The following NUDT4 variants were observed in gnomAD, a reference collection of about 807,000 sequenced individuals.
NUDT4 encodes the protein nudix hydrolase 4, also known as diphosphoinositol polyphosphate phosphohydrolase 2.
A neutral mutation model predicts 23.1 loss-of-function variants in NUDT4; 5 were observed. That is an observed-to-expected ratio of 0.22 (90% CI 0.11 to 0.46). NUDT4 has a LOEUF of 0.46. NUDT4 is among the 20% of genes least tolerant of loss of function. The pLI is 0.99. For synonymous variants in NUDT4, 50 were observed against 79.0 expected (o/e 0.63, Z 1.95); for missense variants, 96 against 211.6 (o/e 0.45, Z 3.39).
At chr12:93,378,909 T>C in intron 1 of NUDT4, 1 of 489,062 alleles carries the variant, frequency 2.0e-6, no homozygotes, top group Non-Finnish European at 2.7e-6. Flanking sequence ...GTCCTCGTGC[T>C]TGGAATTGAG....
intron 3 of NUDT4, 140 bp from the exon 4 acceptor site, chr12:93,398,631 G>T (rs1214836939): frequency 3.3e-6 from 2 of 608,164 alleles, no homozygotes; most frequent in Non-Finnish European, 5.9e-6. Flanking sequence ...GTGTTGGACT[G>T]TACAACTGAA....
intron 1 of NUDT4, among the ~76,000 whole-genome samples, chr12:93,390,923 A>T (rs958120275): frequency 6.6e-6 from 1 of 152,076 alleles, no homozygotes; most frequent in Non-Finnish European, 1.5e-5. Flanking sequence ...AGGAGGTTCT[A>T]TGCCTAAATA....
At position 93,395,525 on chromosome 12, in the gene NUDT4, A is replaced by G. The variant is rs369295875; in HGVS notation, c.247A>G (p.Ile83Val). Residue 83 changes from isoleucine (I) to valine (V), a missense_variant, in exon 3 of 5, where the codon ATA becomes GTA. Coordinates refer to ENST00000415493, the MANE Select transcript of NUDT4 (RefSeq NM_019094.6). ...AGGAAAACTAGGCAGACTTCTGGGC[A>G]TATTTGAGGTGAGTTAAAAAGTAAT... ...VKGKLGRLLG[I>V]FENQDRKHRT... 2 of 1,608,150 alleles carry G rather than the reference A, an allele frequency of 1.2e-6. No homozygotes were observed. Among genetic ancestry groups the G allele is most frequent in the African/African-American group, 1.3e-5 (1 of 74,766 alleles).
intron 1 of NUDT4, among the ~76,000 whole-genome samples, chr12:93,393,333 ACCT>A (rs1402109863): frequency 6.6e-6 from 1 of 151,818 alleles, no homozygotes; most frequent in Admixed American, 6.6e-5. Flanking sequence ...GGAACTCCTG[ACCT>A]CAGGTGATCG....
At chr12:93,397,478 C>T (rs1452267312) in intron 3 of NUDT4, among the ~76,000 whole-genome samples, 4 of 151,738 alleles carry the variant, frequency 2.6e-5, no homozygotes, top group Non-Finnish European at 5.9e-5. Flanking sequence ...GGAAGGCCAA[C>T]TTGTTTAATT....
Position 93,397,684 on chromosome 12 carries a change from G to A in NUDT4, c.256-1087G>A, listed in dbSNP as rs115656384. On this transcript the variant is annotated intron_variant, in intron 3 of 4. Transcript: ENST00000415493. ...GAATTACAGGCATACAACCACGCCCGGCTAATATTTTCGTATTTTTAGTAG... is the reference window on the plus strand; with the variant it reads ...GAATTACAGGCATACAACCACGCCCAGCTAATATTTTCGTATTTTTAGTAG... Among the ~76,000 whole-genome samples, 864 of 152,116 alleles carry A rather than the reference G, an allele frequency of 5.7e-3. 6 individuals are homozygous for A. Among genetic ancestry groups the A allele is most frequent in the African/African-American group, 0.02 (825 of 41,496 alleles).
At chr12:93,387,112 G>A (rs1876161439) in intron 1 of NUDT4, among the ~76,000 whole-genome samples, 2 of 151,638 alleles carry the variant, frequency 1.3e-5, no homozygotes, top group Non-Finnish European at 2.9e-5. Context: ...TTATGTTTTT[G>A]GTAGAGATGA....
At chr12:93,385,941 T>TTTTATATATATA (rs1278115598) in intron 1 of NUDT4, among the ~76,000 whole-genome samples, 1 of 104,608 alleles carries the variant, frequency 9.6e-6, no homozygotes, top group African/African-American at 3.6e-5. Context: ...GTAAATCTTT[T>TTTTATATATATA]TATATATATA....
intron 1 of NUDT4, among the ~76,000 whole-genome samples, chr12:93,383,532 C>T (rs1426517124): frequency 6.6e-6 from 1 of 152,152 alleles, no homozygotes; most frequent in Non-Finnish European, 1.5e-5. Flanking sequence ...ATAGCAACCT[C>T]GAAACAGTTT....
At position 93,406,357 on chromosome 12, in the gene NUDT4, G is replaced by A. The variant is rs997300296; in HGVS notation, c.*6978G>A. On this transcript the variant is annotated 3_prime_UTR_variant, in exon 5 of 5. Transcript: ENST00000415493. ...TGAGGCCTATTCCTATCATTTCCTC[G>A]ATCCAATTTAGTTCCACTTAGGTCA... The A allele has an allele frequency of 7.0e-6, 1 of 143,006 alleles. No individual in the cohort carries two copies. The highest frequency in any genetic ancestry group is 1.5e-5 in the Non-Finnish European group (1 of 67,000). 8.9% of individuals were successfully genotyped at this position (143,006 alleles called of 1,614,324 possible). A position where few individuals can be genotyped will look rare whatever the true frequency, so the allele number is the denominator to read the frequency against.
chr12:93,393,332 GACCTCAGGTGATCGCCC>G lies in NUDT4; in HGVS notation c.100-1271_100-1255del, dbSNP rs1204216034. ...TTGTCCAGGCTGGTGTGGAACTCCTGACCTCAGGTGATCGCCCACCTCGGCCTCCTAAAGTGCTGGGA... is the reference window on the plus strand; with the variant it reads ...TTGTCCAGGCTGGTGTGGAACTCCTGACCTCGGCCTCCTAAAGTGCTGGGA... On this transcript the variant is annotated intron_variant, in intron 1 of 4. Coordinates refer to ENST00000415493, the MANE Select transcript of NUDT4 (RefSeq NM_019094.6). 3.9e-5 allele frequency among the ~76,000 whole-genome samples: 6 copies of G among 152,050 alleles called. 1 individual carries two copies. The highest frequency in any genetic ancestry group is 1.4e-4 in the African/African-American group (6 of 41,470).
Position 93,399,464 on chromosome 12 carries a change from C to G in NUDT4, c.*85C>G. 4.3e-6 allele frequency: 2 copies of G among 462,688 alleles called. No individual in the cohort carries two copies. Among genetic ancestry groups the G allele is most frequent in the South Asian group, 4.6e-5 (1 of 21,694 alleles). 28.7% of individuals were successfully genotyped at this position (462,688 alleles called of 1,614,324 possible). A position where few individuals can be genotyped will look rare whatever the true frequency, so the allele number is the denominator to read the frequency against. On this transcript the variant is annotated 3_prime_UTR_variant, in exon 5 of 5. Coordinates refer to ENST00000415493, the MANE Select transcript of NUDT4 (RefSeq NM_019094.6). ...TTCCTCGTCAAACATCTGATTGACG[C>G]TTGCAAACTGTCTGAATTTGCCATG...
rs536314612 is a variant in NUDT4 at position 93,405,833 on chromosome 12, C to T, written c.*6454C>T. ...GCCAAGTAGCTAAATGAAATATCAT[C>T]CCAGCCCAAAAGTACTTATTCGAAT... is the stretch of plus-strand genomic sequence containing the variant. On this transcript the variant is annotated 3_prime_UTR_variant, in exon 5 of 5. Transcript: ENST00000415493. 1 of 152,150 alleles carries T rather than the reference C, an allele frequency of 6.6e-6. No homozygotes were observed. The allele number at this position is 152,150 out of a possible 1,614,324, so 9.4% of individuals were successfully genotyped here.
chr12:93,392,129 C>T (rs983038932), intron 1 of NUDT4, among the ~76,000 whole-genome samples: 1 of 151,788 alleles, frequency 6.6e-6, no homozygotes, highest in Non-Finnish European at 1.5e-5. Context: ...GATGTCCACC[C>T]ACTTCAGCCT....
intron 1 of NUDT4, among the ~76,000 whole-genome samples, chr12:93,381,855 C>A (rs752695367): frequency 7.9e-5 from 12 of 152,206 alleles, no homozygotes; most frequent in Non-Finnish European, 1.6e-4. Flanking sequence ...TGAGAGTGAT[C>A]TGGCAGCAAA....
In NUDT4 at chr12:93,401,840, A is replaced by ATTTCT. The variant is rs1877458369; in HGVS notation, c.*2461_*2462insTTTCT. On this transcript the variant is annotated 3_prime_UTR_variant, in exon 5 of 5. Transcript: ENST00000415493. ...CTAGGGAGATTTATTTCTGTTAAAT[A>ATTTCT]GTTAACTCTGCTGAGTATGACAAAT... 7.1e-6 allele frequency: 1 copy of ATTTCT among 141,638 alleles called. No individual in the cohort carries two copies. Among genetic ancestry groups the ATTTCT allele is most frequent in the Non-Finnish European group, 1.6e-5 (1 of 63,950 alleles). 8.8% of individuals were successfully genotyped at this position (141,638 alleles called of 1,614,324 possible).
chr12:93,388,207 ATTC>A (rs1565778550), intron 1 of NUDT4, among the ~76,000 whole-genome samples: 1 of 152,254 alleles, frequency 6.6e-6, no homozygotes, highest in Admixed American at 6.5e-5. Context: ...GACCAAATTT[ATTC>A]TTCCTGAGAT....
intron 1 of NUDT4, among the ~76,000 whole-genome samples, chr12:93,389,363 T>C (rs1222046299): frequency 6.6e-6 from 1 of 151,986 alleles, no homozygotes; most frequent in Non-Finnish European, 1.5e-5. Context: ...TCCCAGCTAC[T>C]TGGGAGGCTG....
rs992345261 is a variant in NUDT4, at chr12:93,403,867, G to T, written c.*4488G>T. The stretch of plus-strand genomic sequence containing the variant: ...GCAGTACGATGAGAGGGCCATTAAG[G>T]CCTATCTTAGCAAGCAAGACATTAT... On this transcript the variant is annotated 3_prime_UTR_variant, in exon 5 of 5. Coordinates refer to ENST00000415493, the MANE Select transcript of NUDT4 (RefSeq NM_019094.6). 2 of 152,144 alleles carry T rather than the reference G, an allele frequency of 1.3e-5. No individual in the cohort carries two copies. Among genetic ancestry groups the T allele is most frequent in the African/African-American group, 2.4e-5 (1 of 41,428 alleles). 9.4% of individuals were successfully genotyped at this position (152,144 alleles called of 1,614,324 possible). A position where few individuals can be genotyped will look rare whatever the true frequency, so the allele number is the denominator to read the frequency against.
Sources: gnomAD v4.1 joint callset for allele counts (sites outside exome capture counted in the v4.1 genomes callset) on GRCh38, gnomAD v4.1.1 for gene constraint, MANE v1.5 for transcripts, NCBI Gene and HGNC (gene_info 2026-07-23, HGNC 2026-07-21) for gene names.